The following MACROD2 variants were observed in gnomAD, a reference collection of about 807,000 sequenced individuals.
The protein encoded by MACROD2 is ADP-ribose glycohydrolase MACROD2.
A neutral mutation model predicts 70.4 loss-of-function variants in MACROD2; 36 were observed. The ratio of observed to expected loss-of-function variants is 0.51; its 90% confidence interval spans 0.39 to 0.68. The LOEUF is 0.68. Ranked by LOEUF, MACROD2 falls within the 30% of genes least tolerant of loss-of-function variation. The probability of loss-of-function intolerance (pLI) is 0.00; values close to 1 mark genes in which losing one functional copy is unlikely to be tolerated. For missense variants in MACROD2, 496 were observed against 538.4 expected, an observed-to-expected ratio of 0.92 and a Z score of 0.78; for synonymous variants, 172 against 178.8, an observed-to-expected ratio of 0.96 and a Z score of 0.30.
In MACROD2 at chr20:14,892,437, C is replaced by T. The variant is rs143436262; in HGVS notation, c.418+207478C>T. Reference sequence around the variant, plus strand: ...TGGCAGTGACATTGCACTCCAGCCTCGGCAATAGAGTGAGACTCCATCTCA... The same window carrying T: ...TGGCAGTGACATTGCACTCCAGCCTTGGCAATAGAGTGAGACTCCATCTCA... On this transcript the variant is annotated intron_variant, in intron 5 of 17. Coordinates refer to ENST00000684519, the MANE Select transcript of MACROD2 (RefSeq NM_001351661.2). 4.8e-3 allele frequency among the ~76,000 whole-genome samples: 733 copies of T among 151,770 alleles called. 6 individuals are homozygous for T. The highest frequency in any genetic ancestry group is 0.027 in the Middle Eastern group (8 of 294).
In MACROD2 at chr20:14,022,493, A is replaced by G. The variant is rs556331503; in HGVS notation, c.163+20089A>G. 5.1e-4 allele frequency among the ~76,000 whole-genome samples: 76 copies of G among 148,362 alleles called. 1 individual carries two copies. Among genetic ancestry groups the G allele is most frequent in the African/African-American group, 1.9e-3 (75 of 40,118 alleles). On this transcript the variant is annotated intron_variant, in intron 2 of 17. Transcript: ENST00000684519. ...AAGTTCTGGGATACGTGTGCAGAACATGCAGTTTTGTTACAGAGGTATACA... is the reference window on the plus strand; with the variant it reads ...AAGTTCTGGGATACGTGTGCAGAACGTGCAGTTTTGTTACAGAGGTATACA...
intron 4 of MACROD2, among the ~76,000 whole-genome samples, chr20:14,598,264 T>C (rs1982271459): frequency 6.6e-6 from 1 of 152,188 alleles, no homozygotes; most frequent in Non-Finnish European, 1.5e-5. Flanking sequence ...ATATTTGTGG[T>C]TTAAAATGTA....
At chr20:14,826,222 T>A (rs1242423851) in intron 5 of MACROD2, among the ~76,000 whole-genome samples, 1 of 147,434 alleles carries the variant, frequency 6.8e-6, no homozygotes. Context: ...TAAACACTAG[T>A]TAAAAAAAAA....
intron 8 of MACROD2, among the ~76,000 whole-genome samples, chr20:15,679,834 G>A (rs899445373): frequency 6.6e-6 from 1 of 152,204 alleles, no homozygotes; most frequent in Non-Finnish European, 1.5e-5. Flanking sequence ...CCACCTTGAG[G>A]ATTCCTGCTG....
intron 3 of MACROD2, among the ~76,000 whole-genome samples, chr20:14,334,091 A>G (rs1053160843): frequency 2.0e-5 from 3 of 152,216 alleles, no homozygotes; most frequent in Non-Finnish European, 4.4e-5. Context: ...GAAAGAGATT[A>G]TGCATATGCA....
chr20:14,099,243 A>G (rs891999548), intron 3 of MACROD2, among the ~76,000 whole-genome samples: 2 of 151,538 alleles, frequency 1.3e-5, no homozygotes, highest in African/African-American at 4.9e-5. Context: ...ATGCCACTGC[A>G]CTCCAGCCTG....
intron 5 of MACROD2, among the ~76,000 whole-genome samples, chr20:15,103,938 G>A (rs1246537590): frequency 6.6e-6 from 1 of 152,086 alleles, no homozygotes; most frequent in Admixed American, 6.6e-5. Flanking sequence ...CAAAGGGAGA[G>A]AAATAGAGAA....
At chr20:14,507,384 C>T (rs1360915290) in intron 4 of MACROD2, among the ~76,000 whole-genome samples, 2 of 151,770 alleles carry the variant, frequency 1.3e-5, no homozygotes, top group Non-Finnish European at 2.9e-5. Context: ...ACCAGTGGGG[C>T]GAAGAAGGAA....
At chr20:15,279,316 A>G (rs992752721) in intron 6 of MACROD2, among the ~76,000 whole-genome samples, 2 of 152,102 alleles carry the variant, frequency 1.3e-5, no homozygotes, top group Non-Finnish European at 2.9e-5. Context: ...CATCTCGGAG[A>G]ACACCAGGGA....
chr20:15,413,508 A>G (rs2046106590), intron 6 of MACROD2, among the ~76,000 whole-genome samples: 1 of 152,222 alleles, frequency 6.6e-6, no homozygotes, highest in Admixed American at 6.5e-5. Context: ...GAGATAGTAG[A>G]GGAGGATGAA....
At chr20:14,087,222 C>T (rs2054088263) in intron 3 of MACROD2, among the ~76,000 whole-genome samples, 1 of 152,004 alleles carries the variant, frequency 6.6e-6, no homozygotes. Flanking sequence ...TGGTGAATCT[C>T]ATCTCTACCA....
rs115835982 is a variant in MACROD2, at chr20:14,770,570, A to G, written c.418+85611A>G. ...ATTTTTTCATTTGCTTTTTGAACCAATATAGGTGATATTCACTTCTAGAAT... is the reference window on the plus strand; with the variant it reads ...ATTTTTTCATTTGCTTTTTGAACCAGTATAGGTGATATTCACTTCTAGAAT... On this transcript the variant is annotated intron_variant, in intron 5 of 17. Transcript: ENST00000684519. Among the ~76,000 whole-genome samples, 773 of 152,198 alleles carry G rather than the reference A, an allele frequency of 5.1e-3. 10 individuals are homozygous for G. The highest frequency in any genetic ancestry group is 0.018 in the African/African-American group (739 of 41,492).
At chr20:15,161,286 C>T (rs569226566) in intron 5 of MACROD2, among the ~76,000 whole-genome samples, 9 of 151,174 alleles carry the variant, frequency 6.0e-5, no homozygotes, top group African/African-American at 9.7e-5. Context: ...ACAAACTGGA[C>T]CTAAATCAAG....
intron 8 of MACROD2, among the ~76,000 whole-genome samples, chr20:15,800,297 C>A (rs76165352): frequency 6.7e-6 from 1 of 150,344 alleles, no homozygotes; most frequent in Non-Finnish European, 1.5e-5. Context: ...AATATGGTCC[C>A]ATTTGCCTAT....
At chr20:15,309,568 A>C (rs759507412) in intron 6 of MACROD2, among the ~76,000 whole-genome samples, 38 of 152,228 alleles carry the variant, frequency 2.5e-4, no homozygotes, top group Non-Finnish European at 5.0e-4. Flanking sequence ...TTATTATTTG[A>C]TTTACTTCTT....
At chr20:14,204,889 C>CATTA (rs1211537279) in intron 3 of MACROD2, among the ~76,000 whole-genome samples, 2 of 152,166 alleles carry the variant, frequency 1.3e-5, no homozygotes, top group African/African-American at 4.8e-5. Context: ...TTTTAAAGAA[C>CATTA]TGTAGAGTCT....
chr20:13,999,457 C>A (rs898620179), intron 1 of MACROD2, among the ~76,000 whole-genome samples: 3 of 152,258 alleles, frequency 2.0e-5, no homozygotes, highest in East Asian at 3.9e-4. Context: ...ATGCTCAGTA[C>A]TATTCTTAGT....
At chr20:15,651,100 T>G (rs914115230) in intron 8 of MACROD2, among the ~76,000 whole-genome samples, 1 of 152,218 alleles carries the variant, frequency 6.6e-6, no homozygotes, top group African/African-American at 2.4e-5. Context: ...GTTTTTGGTT[T>G]GTTCCAGAGG....
intron 8 of MACROD2, among the ~76,000 whole-genome samples, chr20:15,510,520 G>A (rs1403796679): frequency 6.6e-6 from 1 of 152,156 alleles, no homozygotes; most frequent in Non-Finnish European, 1.5e-5. Context: ...TTGTTGATGG[G>A]TGATGTTTTC....
Sources: allele counts gnomAD v4.1 joint callset (sites outside exome capture counted in the v4.1 genomes callset), GRCh38; gene constraint gnomAD v4.1.1; transcripts MANE v1.5; gene names NCBI Gene and HGNC (gene_info 2026-07-23, HGNC 2026-07-21).